PCCA: variants seen among roughly 807,000 people sequenced by gnomAD.
PCCA encodes the protein propionyl-CoA carboxylase alpha chain, mitochondrial.
In PCCA, 74 loss-of-function variants were observed where a neutral mutation model predicts 101.3. The observed-to-expected ratio is 0.73, with a 90% CI of 0.61 to 0.89. The LOEUF is 0.89. Among genes scored for constraint, PCCA ranks in the 40% least tolerant of loss-of-function variants. The pLI is 0.00. For missense variants in PCCA, 891 were observed against 907.0 expected, an observed-to-expected ratio of 0.98 and a Z score of 0.23; for synonymous variants, 294 against 313.6, an observed-to-expected ratio of 0.94 and a Z score of 0.66.
rs1367522207 is a variant in PCCA, at chr13:100,298,728, TTCCTTCCTTCCTTCCG to T, written c.1066-2720_1066-2705del. Among the ~76,000 whole-genome samples, 37 of 105,146 alleles carry T rather than the reference TTCCTTCCTTCCTTCCG, an allele frequency of 3.5e-4. 3 individuals carry two copies. Among genetic ancestry groups the T allele is most frequent in the African/African-American group, 8.8e-4 (23 of 26,088 alleles). 69.0% of individuals were successfully genotyped at this position (105,146 alleles called of 152,430 possible). A position where few individuals can be genotyped will look rare whatever the true frequency, so the allele number is the denominator to read the frequency against. ...CTTCCTTCCTTCCTTCCTTCCTTCC[TTCCTTCCTTCCTTCCG>T]TCCTTCCTTCCGTCCTTTTGTTCCT... On this transcript the variant is annotated intron_variant, in intron 12 of 23. Transcript: ENST00000376285.
chr13:100,316,344 A>G (rs1054015279), intron 16 of PCCA, among the ~76,000 whole-genome samples: 4 of 152,352 alleles, frequency 2.6e-5, no homozygotes, highest in African/African-American at 9.6e-5. Context: ...TTACTATTCA[A>G]GTAGAAAGAT....
At chr13:100,354,121 A>ATAAT (rs57382165) in intron 18 of PCCA, among the ~76,000 whole-genome samples, 31 of 139,640 alleles carry the variant, frequency 2.2e-4, no homozygotes, top group African/African-American at 7.6e-4. Context: ...AATAATAATA[A>ATAAT]AATAATTCGC....
chr13:100,115,067 A>G (rs1314956594), intron 4 of PCCA, among the ~76,000 whole-genome samples: 1 of 152,230 alleles, frequency 6.6e-6, no homozygotes, highest in Non-Finnish European at 1.5e-5. Context: ...GAAAATGTAC[A>G]TATGTACGGT....
intron 4 of PCCA, among the ~76,000 whole-genome samples, chr13:100,114,199 AC>A (rs974642339): frequency 6.6e-6 from 1 of 152,090 alleles, no homozygotes; most frequent in African/African-American, 2.4e-5. Flanking sequence ...TTTGCAAACT[AC>A]CCATCTGATG....
chr13:100,307,076 A>G (rs2066508073), intron 14 of PCCA, 116 bp from the exon 15 acceptor site: 1 of 725,226 alleles, frequency 1.4e-6, no homozygotes. Flanking sequence ...AGAAGTTGAA[A>G]TGTTATTTGA....
chr13:100,240,168 A>G (rs1045288008), intron 8 of PCCA, among the ~76,000 whole-genome samples: 6 of 152,170 alleles, frequency 3.9e-5, no homozygotes, highest in Admixed American at 1.3e-4. Flanking sequence ...ATCTCATCCC[A>G]GCCCATTTCT....
chr13:100,339,560 G>A (rs941879312), intron 17 of PCCA, among the ~76,000 whole-genome samples: 2 of 152,162 alleles, frequency 1.3e-5, no homozygotes, highest in Non-Finnish European at 2.9e-5. Context: ...AGGCCTTTGC[G>A]GCCAGCCGAC....
At chr13:100,491,474 A>G in intron 21 of PCCA, 1 of 315,250 alleles carries the variant, frequency 3.2e-6, no homozygotes, top group South Asian at 3.1e-5. Context: ...CCCTAGTCAT[A>G]GGCAAAAATG....
At chr13:100,110,607 C>T (rs932562632) in intron 2 of PCCA, among the ~76,000 whole-genome samples, 1 of 152,152 alleles carries the variant, frequency 6.6e-6, no homozygotes, top group Non-Finnish European at 1.5e-5. Context: ...TCTGCTTAGT[C>T]TGGGCATTTT....
intron 19 of PCCA, among the ~76,000 whole-genome samples, chr13:100,391,658 C>T (rs184252725): frequency 2.0e-5 from 3 of 151,968 alleles, no homozygotes; most frequent in Non-Finnish European, 2.9e-5. Flanking sequence ...CTATGGGTTT[C>T]GATTTTATTG....
At chr13:100,430,326 C>A (rs1440118792) in intron 20 of PCCA, among the ~76,000 whole-genome samples, 1 of 152,000 alleles carries the variant, frequency 6.6e-6, no homozygotes, top group Non-Finnish European at 1.5e-5. Flanking sequence ...ATCATTCTTC[C>A]TTGATTAAAT....
intron 18 of PCCA, among the ~76,000 whole-genome samples, chr13:100,358,506 G>C (rs1295465014): frequency 6.6e-6 from 1 of 152,124 alleles, no homozygotes; most frequent in Non-Finnish European, 1.5e-5. Flanking sequence ...CATAGAAATG[G>C]AAATTAAAAC....
intron 20 of PCCA, among the ~76,000 whole-genome samples, chr13:100,437,291 C>G (rs902754165): frequency 6.6e-6 from 1 of 152,080 alleles, no homozygotes; most frequent in Non-Finnish European, 1.5e-5. Context: ...CGGAAAAAGT[C>G]TAATCATTGT....
rs766139678 is a variant in PCCA at position 100,157,341 on chromosome 13, G to C, written c.468+1G>C. ...AAACAAAGAATTTGCCAGATGTTTG[G>C]TAAGTTGGTAATGAACCAGAAACTG... On this transcript the variant is annotated splice_donor_variant, in intron 6 of 23. Transcript: ENST00000376285. LOFTEE classifies it high-confidence loss of function. 3 of 1,599,356 alleles carry C rather than the reference G, an allele frequency of 1.9e-6. No individual in the cohort carries two copies. The highest frequency in any genetic ancestry group is 2.6e-6 in the Non-Finnish European group (3 of 1,166,972).
At chr13:100,340,378 T>C (rs2071118954) in intron 18 of PCCA, 119 bp downstream of exon 18, 2 of 709,826 alleles carry the variant, frequency 2.8e-6, no homozygotes, top group South Asian at 1.5e-5. Context: ...TATGGGTCTT[T>C]GGAGAAGTAT....
At chr13:100,339,219 A>G (rs1435156612) in intron 17 of PCCA, among the ~76,000 whole-genome samples, 1 of 152,008 alleles carries the variant, frequency 6.6e-6, no homozygotes, top group Non-Finnish European at 1.5e-5. Flanking sequence ...AAATGACAAG[A>G]AAAAAAAGCC....
chr13:100,253,229 TC>T (rs558189441), intron 8 of PCCA, among the ~76,000 whole-genome samples: 340 of 151,990 alleles, frequency 2.2e-3, no homozygotes, highest in African/African-American at 7.9e-3. Flanking sequence ...GCCCAAGCTG[TC>T]CCCCCAGCTC....
intron 7 of PCCA, among the ~76,000 whole-genome samples, chr13:100,212,494 A>G (rs2059277386): frequency 6.6e-6 from 1 of 152,222 alleles, no homozygotes; most frequent in African/African-American, 2.4e-5. Flanking sequence ...CTAGAAACAT[A>G]GAGTAATTCT....
chr13:100,427,894 A>T (rs773299617), intron 20 of PCCA, among the ~76,000 whole-genome samples: 1 of 152,192 alleles, frequency 6.6e-6, no homozygotes, highest in Non-Finnish European at 1.5e-5. Flanking sequence ...CACAGTGCTT[A>T]CTGTGTTATC....
Sources: gnomAD v4.1 joint callset for allele counts (sites outside exome capture counted in the v4.1 genomes callset) on GRCh38, gnomAD v4.1.1 for gene constraint, MANE v1.5 for transcripts, NCBI Gene and HGNC (gene_info 2026-07-23, HGNC 2026-07-21) for gene names.